Variants in LOXL2 observed in about 807,000 individuals in gnomAD.
LOXL2 encodes the protein lysyl oxidase like 2, also known as lysyl oxidase homolog 2.
In LOXL2, 70 loss-of-function variants were observed where a neutral mutation model predicts 93.0. The observed-to-expected ratio is 0.75, with a 90% CI of 0.62 to 0.92. LOXL2 has a LOEUF of 0.92. Among genes scored for constraint, LOXL2 ranks in the 40% least tolerant of loss-of-function variants. LOXL2 has a pLI of 0.00. For missense variants in LOXL2, 973 were observed against 1,054.9 expected (o/e 0.92, Z 1.08); for synonymous variants, 438 against 413.2 (o/e 1.06, Z -0.73).
intron 4 of LOXL2, among the ~76,000 whole-genome samples, chr8:23,340,587 A>G (rs1803866165): frequency 6.6e-6 from 1 of 152,192 alleles, no homozygotes; most frequent in South Asian, 2.1e-4. Flanking sequence ...AGAGCAAGTA[A>G]ATATTTCTTC....
chr8:23,371,646 G>A (rs1804497176), intron 1 of LOXL2, among the ~76,000 whole-genome samples: 1 of 149,940 alleles, frequency 6.7e-6, no homozygotes, highest in African/African-American at 2.5e-5. Context: ...CAGCTACTCG[G>A]GAGGCTGAGG....
chr8:23,330,211 G>C (rs566474551), intron 5 of LOXL2, among the ~76,000 whole-genome samples: 63 of 152,312 alleles, frequency 4.1e-4, no homozygotes, highest in African/African-American at 1.5e-3. Context: ...GCGGGTGCCT[G>C]TAGTCCCAGC....
At chr8:23,320,562 T>G (rs1166900102) in intron 7 of LOXL2, among the ~76,000 whole-genome samples, 6 of 152,200 alleles carry the variant, frequency 3.9e-5, no homozygotes, top group Non-Finnish European at 8.8e-5. Context: ...ACTTGCTGTC[T>G]TTTCTCTTTA....
At chr8:23,383,216 T>C (rs1804704502) in intron 1 of LOXL2, among the ~76,000 whole-genome samples, 1 of 152,184 alleles carries the variant, frequency 6.6e-6, no homozygotes, top group African/African-American at 2.4e-5. Context: ...AGAGGTGATG[T>C]TGGGTGTCTT....
chr8:23,309,166 G>T (rs1803281000), intron 10 of LOXL2, among the ~76,000 whole-genome samples: 1 of 151,964 alleles, frequency 6.6e-6, no homozygotes, highest in Non-Finnish European at 1.5e-5. Flanking sequence ...CGTATTTTTA[G>T]TAGAGACGGG....
intron 1 of LOXL2, among the ~76,000 whole-genome samples, chr8:23,385,127 C>T (rs1267567176): frequency 6.7e-6 from 1 of 148,758 alleles, no homozygotes; most frequent in Non-Finnish European, 1.5e-5. Flanking sequence ...ATTTACCACT[C>T]CCTGCGCCCC....
At chr8:23,304,788 G>A (rs1293166103) in intron 10 of LOXL2, among the ~76,000 whole-genome samples, 1 of 152,172 alleles carries the variant, frequency 6.6e-6, no homozygotes, top group Non-Finnish European at 1.5e-5. Flanking sequence ...ACAACGGCAG[G>A]CAGGAGCTCC....
At chr8:23,301,518 C>G (rs1293267238) in intron 12 of LOXL2, among the ~76,000 whole-genome samples, 4 of 152,158 alleles carry the variant, frequency 2.6e-5, no homozygotes, top group Non-Finnish European at 5.9e-5. Flanking sequence ...TTGAGAATGG[C>G]CCCTTCTGCA....
At chr8:23,329,224 G>C (rs996829832) in intron 5 of LOXL2, 1 of 152,372 alleles carries the variant, frequency 6.6e-6, no homozygotes, top group South Asian at 2.1e-4. Flanking sequence ...TGGATGGGGA[G>C]CCTCATACTG....
chr8:23,333,270 TA>T, intron 5 of LOXL2, 130 bp downstream of exon 5: 1 of 805,078 alleles, frequency 1.2e-6, no homozygotes, highest in Non-Finnish European at 2.0e-6. Flanking sequence ...GGTCTCAGAG[TA>T]AAGCAGCCAC....
At position 23,333,441 on chromosome 8, in the gene LOXL2, G is replaced by A. The variant is rs769123712; in HGVS notation, c.926C>T (p.Pro309Leu). ...TTTCCGGAATCTTGAGGGTCCGTCA[G>A]GGCTGAAGACCTGCCCAGGCACACA... ...VSCVPGQVFSPDGPSRFRKAY... is the reference protein window; with the variant it reads ...VSCVPGQVFSLDGPSRFRKAY... Residue 309 changes from proline to leucine, a missense_variant, in exon 5 of 14, where the codon CCT becomes CTT. By Grantham distance (98) the Pro-to-Leu change is moderately conservative. Transcript: ENST00000389131. 8.7e-6 allele frequency: 14 copies of A among 1,613,802 alleles called. No individual in the cohort carries two copies. The Admixed American group carries it at 2.3e-4, about 27-fold the overall frequency.
chr8:23,356,848 C>G (rs1255891525), intron 3 of LOXL2, among the ~76,000 whole-genome samples: 1 of 152,300 alleles, frequency 6.6e-6, no homozygotes, highest in East Asian at 1.9e-4. Context: ...AGGGCCCATG[C>G]TCCTTGCCTT....
At chr8:23,302,220 C>T in intron 11 of LOXL2, 57 bp from the exon 12 acceptor site, 1 of 1,602,390 alleles carries the variant, frequency 6.2e-7, no homozygotes, top group Non-Finnish European at 8.5e-7. Context: ...CACTGCCGCA[C>T]CCTCTTCCTG....
Position 23,322,291 on chromosome 8 carries a change from G to C in LOXL2, c.1151-10C>G, listed in dbSNP as rs764499044. 2 of 1,611,852 alleles carry C rather than the reference G, an allele frequency of 1.2e-6. No individual in the cohort carries two copies. The highest frequency in any genetic ancestry group is 1.7e-6 in the Non-Finnish European group (2 of 1,178,402). On this transcript the variant is annotated splice_polypyrimidine_tract_variant and intron_variant, in intron 6 of 13. Coordinates refer to ENST00000389131, the MANE Select transcript of LOXL2 (RefSeq NM_002318.3). ...TGGATGGGTCCGATCCCTGCAAGGG[G>C]AGAATAAACATGCTCTATGAAAGCT...
intron 3 of LOXL2, among the ~76,000 whole-genome samples, chr8:23,359,211 C>T (rs1258661216): frequency 6.6e-6 from 1 of 152,164 alleles, no homozygotes; most frequent in African/African-American, 2.4e-5. Context: ...TGGTAGCCAG[C>T]TTCCAAGATG....
At chr8:23,381,673 T>C (rs1300670509) in intron 1 of LOXL2, among the ~76,000 whole-genome samples, 1 of 152,214 alleles carries the variant, frequency 6.6e-6, no homozygotes, top group Non-Finnish European at 1.5e-5. Flanking sequence ...GCTTTTCCCT[T>C]GTTGCTTTGT....
chr8:23,315,905 G>C (rs1361547805), intron 9 of LOXL2, among the ~76,000 whole-genome samples: 1 of 151,940 alleles, frequency 6.6e-6, no homozygotes, highest in East Asian at 1.9e-4. Context: ...TAAATAAATT[G>C]ATAAATAAAG....
Position 23,297,888 on chromosome 8 carries a change from T to C in LOXL2, c.*155A>G, listed in dbSNP as rs1803062961. ...CCCATGAATGATGGGAGGGTCCCTT[T>C]CCTCCTGAGCTTAGACACAGCTGTA... On this transcript the variant is annotated 3_prime_UTR_variant, in exon 14 of 14. Transcript: ENST00000389131. 1 of 604,952 alleles carries C rather than the reference T, an allele frequency of 1.7e-6. No individual in the cohort carries two copies. Among genetic ancestry groups the C allele is most frequent in the Admixed American group, 2.9e-5 (1 of 34,244 alleles). 37.5% of individuals were successfully genotyped at this position (604,952 alleles called of 1,614,324 possible). A position where few individuals can be genotyped will look rare whatever the true frequency, so the allele number is the denominator to read the frequency against.
chr8:23,332,213 AC>A (rs1464341278), intron 5 of LOXL2, among the ~76,000 whole-genome samples: 1 of 112,766 alleles, frequency 8.9e-6, no homozygotes, highest in African/African-American at 3.5e-5. Flanking sequence ...ACCCACACCC[AC>A]CCCACACACC....
Sources: gnomAD v4.1 joint callset for allele counts (sites outside exome capture counted in the v4.1 genomes callset) on GRCh38, gnomAD v4.1.1 for gene constraint, MANE v1.5 for transcripts, NCBI Gene and HGNC (gene_info 2026-07-23, HGNC 2026-07-21) for gene names.